Variants in TLR7 observed in about 807,000 individuals in gnomAD.
TLR7 encodes toll like receptor 7, also known as toll-like receptor 7.
A neutral mutation model predicts 38.3 loss-of-function variants in TLR7; 12 were observed. The observed-to-expected ratio is 0.31, with a 90% CI of 0.20 to 0.51. TLR7 has a LOEUF of 0.51. Ranked by LOEUF, TLR7 falls within the 20% of genes least tolerant of loss-of-function variation. The pLI, the probability that TLR7 is intolerant of heterozygous loss-of-function variation, is 0.98. For missense variants in TLR7, 504 were observed against 743.4 expected, an observed-to-expected ratio of 0.68 and a Z score of 3.74; for synonymous variants, 285 against 293.8, an observed-to-expected ratio of 0.97 and a Z score of 0.31.
chrX:12,881,507 AAAT>A (rs201618709), intron 2 of TLR7, among the ~76,000 whole-genome samples: 8,240 of 103,318 alleles, frequency 0.08, 288 homozygotes, highest in Middle Eastern at 0.12. Flanking sequence ...AATAAATAAT[AAAT>A]AACTGAGTTA....
chrX:12,882,496 A>G (rs1205429726), intron 2 of TLR7, among the ~76,000 whole-genome samples: 2 of 111,380 alleles, frequency 1.8e-5, no homozygotes, highest in Admixed American at 9.6e-5. Flanking sequence ...CTAATTTATA[A>G]TATGTCACTG....
intron 2 of TLR7, among the ~76,000 whole-genome samples, chrX:12,884,345 A>C (rs1321552471): frequency 8.9e-6 from 1 of 111,924 alleles, no homozygotes; most frequent in South Asian, 3.7e-4. Flanking sequence ...GGAAGATAAA[A>C]GCATTAACTG....
Position 12,886,314 on chromosome X carries a change from C to T in TLR7, c.806C>T (p.Pro269Leu), listed in dbSNP as rs868378372. ...CCTCGTTGTTATAATGCCCCATTTC[C>T]TTGTGCGCCGTGTAAAAATAATTCT... ...NCPRCYNAPF[P>L]CAPCKNNSPL... Residue 269 changes from proline to leucine, a missense_variant, in exon 3 of 3, where the codon CCT (proline) becomes CTT (leucine). Pro to Leu is a moderately conservative substitution (Grantham distance 98). Coordinates refer to ENST00000380659, the MANE Select transcript of TLR7 (RefSeq NM_016562.4). 8.3e-7 allele frequency: 1 copy of T among 1,210,202 alleles called. No homozygotes were observed. Among genetic ancestry groups the T allele is most frequent in the Non-Finnish European group, 1.1e-6 (1 of 895,174 alleles).
intron 2 of TLR7, among the ~76,000 whole-genome samples, chrX:12,879,867 G>C (rs746914485): frequency 8.9e-6 from 1 of 112,004 alleles, no homozygotes; most frequent in South Asian, 3.7e-4. Context: ...CAGAAAACAT[G>C]TTGAGAGATG....
chrX:12,887,707 T>C lies in TLR7; in HGVS notation c.2199T>C (p.Asn733=). ...TCAAGAATCTGATTCTTAAGAATAA[T>C]CAAATCAGGAGTCTGACGAAGTATT... ...RSLKNLILKN[N]QIRSLTKYFL... is the part of the protein sequence containing the mutation. The change falls in exon 3 of 3, where the codon AAT becomes AAC. Residue 733 remains asparagine (N), a synonymous_variant. Transcript: ENST00000380659. 1.7e-6 allele frequency: 2 copies of C among 1,211,176 alleles called. No homozygotes were observed. Among genetic ancestry groups the C allele is most frequent in the Non-Finnish European group, 2.2e-6 (2 of 895,178 alleles).
intron 2 of TLR7, among the ~76,000 whole-genome samples, chrX:12,868,962 C>G (rs2042842893): frequency 8.9e-6 from 1 of 112,014 alleles, no homozygotes; most frequent in Non-Finnish European, 1.9e-5. Context: ...GCTCACATTT[C>G]TTGACCACTC....
chrX:12,874,962 GTT>G (rs11397372), intron 2 of TLR7, among the ~76,000 whole-genome samples: 1 of 101,968 alleles, frequency 9.8e-6, no homozygotes, highest in African/African-American at 3.5e-5. Flanking sequence ...CTTGGTAAAT[GTT>G]TTTTTTTTTT....
rs200805413 is a variant in TLR7, at chrX:12,888,511, C to G, written c.3003C>G (p.Leu1001=). ...AGCCCTTTCAGAAGTCCAAGTTCCT[C>G]CAGCTCCGGAAAAGGCTCTGTGGGA... ...LEKPFQKSKF[L]QLRKRLCGSS... is the part of the protein sequence containing the mutation. The change falls in exon 3 of 3, where the codon CTC becomes CTG. Residue 1001 remains leucine, a synonymous_variant. Coordinates refer to ENST00000380659, the MANE Select transcript of TLR7 (RefSeq NM_016562.4). 5.8e-6 allele frequency: 7 copies of G among 1,209,939 alleles called. No individual in the cohort carries two copies. The highest frequency in any genetic ancestry group is 2.2e-5 in the Admixed American group (1 of 45,696).
At position 12,885,818 on chromosome X, in the gene TLR7, C is replaced by G; in HGVS notation, c.310C>G (p.Pro104Ala). ...IDFRCNCVPI[P>A]LGSKNNMCIK... ...TTTCAGATGCAACTGTGTACCTATT[C>G]CACTGGGGTCAAAAAACAACATGTG... Residue 104 changes from proline (P) to alanine (A), a missense_variant, in exon 3 of 3, where the codon CCA (proline) becomes GCA (alanine). Physicochemically the swap from Pro to Ala is conservative, Grantham distance 27. Coordinates refer to ENST00000380659, the MANE Select transcript of TLR7 (RefSeq NM_016562.4). 2 of 1,211,816 alleles carry G rather than the reference C, an allele frequency of 1.7e-6. No homozygotes were observed. Among genetic ancestry groups the G allele is most frequent in the Non-Finnish European group, 1.1e-6 (1 of 895,481 alleles).
intron 2 of TLR7, among the ~76,000 whole-genome samples, chrX:12,869,306 T>G (rs1027900628): frequency 8.9e-6 from 1 of 111,989 alleles, no homozygotes; most frequent in East Asian, 2.8e-4. Context: ...GGCAGATCCT[T>G]TGATCTAGAG....
intron 2 of TLR7, among the ~76,000 whole-genome samples, chrX:12,873,044 T>C (rs2042858740): frequency 1.8e-5 from 2 of 111,307 alleles, no homozygotes; most frequent in Non-Finnish European, 1.9e-5. Context: ...TCATCTCCTA[T>C]TGTTCTCCTA....
intron 2 of TLR7, among the ~76,000 whole-genome samples, chrX:12,870,178 G>A (rs2042847536): frequency 9.0e-6 from 1 of 111,208 alleles, no homozygotes; most frequent in African/African-American, 3.3e-5. Context: ...CAAATCAGAG[G>A]CTCATGAGGT....
chrX:12,880,891 C>T (rs138928238), intron 2 of TLR7, among the ~76,000 whole-genome samples: 1,125 of 110,919 alleles, frequency 0.01, 19 homozygotes, highest in African/African-American at 0.035. Context: ...GTGCATATAC[C>T]TCTCTGTGCC....
At chrX:12,869,924 A>G (rs1461665057) in intron 2 of TLR7, among the ~76,000 whole-genome samples, 1 of 109,619 alleles carries the variant, frequency 9.1e-6, no homozygotes, top group Non-Finnish European at 1.9e-5. Flanking sequence ...GTAATCATCA[A>G]ATCATGTTTT....
At position 12,888,051 on chromosome X, in the gene TLR7, C is replaced by A; in HGVS notation, c.2543C>A (p.Ser848Tyr). The A allele has an allele frequency of 8.3e-7, 1 of 1,211,423 alleles. No individual in the cohort carries two copies. The highest frequency in any genetic ancestry group is 1.1e-6 in the Non-Finnish European group (1 of 895,149). Residue 848 changes from serine to tyrosine, a missense_variant, in exon 3 of 3, where the codon TCT becomes TAT. Ser to Tyr is a moderately radical substitution (Grantham distance 144). Coordinates refer to ENST00000380659, the MANE Select transcript of TLR7 (RefSeq NM_016562.4). ...CTGATTCTGTTCTCACTTTCCATAT[C>A]TGTATCTCTCTTTCTCATGGTGATG... is the stretch of plus-strand genomic sequence containing the variant. The part of the protein sequence containing the change: ...TNLILFSLSI[S>Y]VSLFLMVMMT...
At chrX:12,875,310 T>C (rs775663981) in intron 2 of TLR7, among the ~76,000 whole-genome samples, 14 of 112,100 alleles carry the variant, frequency 1.2e-4, no homozygotes, top group South Asian at 3.7e-4. Flanking sequence ...TGGTTCCTAA[T>C]TGAGCAGGAA....
At chrX:12,885,371 G>T in intron 2 of TLR7, 141 bp from the exon 3 acceptor site, 1 of 528,646 alleles carries the variant, frequency 1.9e-6, no homozygotes, top group Non-Finnish European at 3.2e-6. Context: ...ATGGGGTTGG[G>T]GATGCTGTTT....
At chrX:12,875,882 A>C (rs1310243075) in intron 2 of TLR7, among the ~76,000 whole-genome samples, 1 of 111,897 alleles carries the variant, frequency 8.9e-6, no homozygotes, top group Non-Finnish European at 1.9e-5. Context: ...GATGCAATTC[A>C]TTTAAAAAAT....
At chrX:12,882,490 T>A (rs1276283334) in intron 2 of TLR7, among the ~76,000 whole-genome samples, 1 of 111,051 alleles carries the variant, frequency 9.0e-6, no homozygotes, top group Non-Finnish European at 1.9e-5. Flanking sequence ...TGCATTCTAA[T>A]TTATAATATG....
Sources: allele counts gnomAD v4.1 joint callset (sites outside exome capture counted in the v4.1 genomes callset), GRCh38; gene constraint gnomAD v4.1.1; transcripts MANE v1.5; gene names NCBI Gene and HGNC (gene_info 2026-07-23, HGNC 2026-07-21).